The following PAK1 variants were observed in gnomAD, a reference collection of about 807,000 sequenced individuals.
PAK1 encodes the protein serine/threonine-protein kinase PAK 1.
A neutral mutation model predicts 67.4 loss-of-function variants in PAK1; 29 were observed. That is an observed-to-expected ratio of 0.43 (90% confidence interval 0.32 to 0.59). The LOEUF is 0.59. Among genes scored for constraint, PAK1 ranks in the 20% least tolerant of loss-of-function variants. The pLI is 0.07. For synonymous variants in PAK1, 223 were observed against 237.4 expected (o/e 0.94, Z 0.56); for missense variants, 337 against 670.7 (o/e 0.50, Z 5.50).
chr11:77,440,933 G>T (rs1438054342), intron 1 of PAK1, among the ~76,000 whole-genome samples: 2 of 152,112 alleles, frequency 1.3e-5, no homozygotes, highest in African/African-American at 4.8e-5. Context: ...AAAGCTAGAT[G>T]GGCTTGGGGA....
chr11:77,336,076 TA>T lies in PAK1; in HGVS notation c.1413+9del. The stretch of plus-strand genomic sequence containing the variant: ...CCCAAATAACTTGAAATAGAACTGG[TA>T]ACACTCACTCTCAGAGGGTTTTCAT... On this transcript the variant is annotated intron_variant, in intron 13 of 14. Transcript: ENST00000356341. 6.5e-7 allele frequency: 1 copy of T among 1,546,442 alleles called. No homozygotes were observed. The highest frequency in any genetic ancestry group is 8.9e-7 in the Non-Finnish European group (1 of 1,122,506).
intron 8 of PAK1, 174 bp from the exon 9 acceptor site, chr11:77,349,461 G>A: frequency 1.6e-6 from 1 of 622,428 alleles, no homozygotes; most frequent in Non-Finnish European, 2.9e-6. Flanking sequence ...AGGTAGTACA[G>A]AGAATGTAGG....
At chr11:77,525,182 CAAAAAAA>C in the PAK1 span, among the ~76,000 whole-genome samples, 2 of 107,122 alleles carry the variant, frequency 1.9e-5, no homozygotes, top group Non-Finnish European at 4.0e-5. Flanking sequence ...CCACCCCTAT[CAAAAAAA>C]AAAAAAAAAA....
chr11:77,362,765 A>C (rs1214837446), intron 5 of PAK1, among the ~76,000 whole-genome samples: 1 of 151,538 alleles, frequency 6.6e-6, no homozygotes, highest in African/African-American at 2.4e-5. Context: ...AGGATTGCTA[A>C]ATGAATATGT....
chr11:77,376,866 A>G (rs761937355), intron 4 of PAK1, among the ~76,000 whole-genome samples: 4 of 152,190 alleles, frequency 2.6e-5, no homozygotes, highest in Non-Finnish European at 5.9e-5. Flanking sequence ...CATTTCCATC[A>G]TGTATCAGCT....
intron 5 of PAK1, among the ~76,000 whole-genome samples, chr11:77,365,264 A>AG: frequency 1.7e-5 from 1 of 59,540 alleles, no homozygotes; most frequent in Admixed American, 1.5e-4. Flanking sequence ...AAAAAAAAAA[A>AG]AAAAGAAAAA....
At chr11:77,368,991 A>AT (rs1459871287) in intron 5 of PAK1, among the ~76,000 whole-genome samples, 2 of 152,218 alleles carry the variant, frequency 1.3e-5, no homozygotes, top group African/African-American at 2.4e-5. Context: ...ATGTCCAAAC[A>AT]TACCTTTATA....
chr11:77,418,117 A>G (rs1955068796), intron 1 of PAK1, among the ~76,000 whole-genome samples: 1 of 152,196 alleles, frequency 6.6e-6, no homozygotes, highest in South Asian at 2.1e-4. Context: ...AAAAAGTATC[A>G]AGCAAAAAAA....
At chr11:77,353,313 A>G (rs493256) in intron 8 of PAK1, 116,607 of 464,978 alleles carry the variant, frequency 0.25, 16,898 homozygotes, top group Non-Finnish European at 0.31. Context: ...CTGTCACTGC[A>G]GGGGTATTTT....
intron 1 of PAK1, among the ~76,000 whole-genome samples, chr11:77,397,731 T>C (rs1166163256): frequency 1.3e-5 from 2 of 152,228 alleles, no homozygotes; most frequent in African/African-American, 4.8e-5. Flanking sequence ...GTCACCGGTA[T>C]AAAACAAAAC....
intron 5 of PAK1, among the ~76,000 whole-genome samples, chr11:77,367,005 T>C (rs1430659027): frequency 6.6e-6 from 1 of 152,176 alleles, no homozygotes; most frequent in Non-Finnish European, 1.5e-5. Flanking sequence ...GAATATGATT[T>C]GGACATAACA....
At chr11:77,426,841 TAA>T (rs66931592) in intron 1 of PAK1, among the ~76,000 whole-genome samples, 1,716 of 128,160 alleles carry the variant, frequency 0.013, 12 homozygotes, top group Middle Eastern at 0.02. Flanking sequence ...GAGCAATCTT[TAA>T]AAAAAAAAAA....
chr11:77,456,497 G>T (rs1186625636), intron 1 of PAK1, among the ~76,000 whole-genome samples: 1 of 152,112 alleles, frequency 6.6e-6, no homozygotes, highest in East Asian at 1.9e-4. Context: ...AGCAGAGAAG[G>T]TCTTTGTTTT....
At position 77,378,496 on chromosome 11, in the gene PAK1, T is replaced by A. The variant is rs1949388050; in HGVS notation, c.439+745A>T. Reference sequence around the variant, plus strand: ...GTTATTAAATAACTAATAATAATATTAACAATAATGATGACAATGATAGCT... The same window carrying A: ...GTTATTAAATAACTAATAATAATATAAACAATAATGATGACAATGATAGCT... On this transcript the variant is annotated intron_variant, in intron 4 of 14. Coordinates refer to ENST00000356341, the MANE Select transcript of PAK1 (RefSeq NM_002576.5). Among the ~76,000 whole-genome samples, 5 of 152,278 alleles carry A rather than the reference T, an allele frequency of 3.3e-5. No homozygotes were observed. In the South Asian group the frequency reaches 1.0e-3, roughly 32 times the overall value.
At chr11:77,460,159 GA>G (rs71043579) in intron 1 of PAK1, among the ~76,000 whole-genome samples, 4,035 of 97,044 alleles carry the variant, frequency 0.042, 157 homozygotes, top group African/African-American at 0.14. Context: ...CTGTAGAATA[GA>G]AAAAAAAAAA....
chr11:77,342,825 A>G (rs1180402465), intron 10 of PAK1, among the ~76,000 whole-genome samples: 2 of 152,084 alleles, frequency 1.3e-5, no homozygotes, highest in Non-Finnish European at 2.9e-5. Flanking sequence ...TTAGAGTCCA[A>G]GATTTAGTCC....
chr11:77,379,332 C>T lies in PAK1; in HGVS notation c.348G>A (p.Glu116=). The T allele has an allele frequency of 6.2e-7, 1 of 1,613,972 alleles. No individual in the cohort carries two copies. Among genetic ancestry groups the T allele is most frequent in the Non-Finnish European group, 8.5e-7 (1 of 1,179,964 alleles). The change falls in exon 4 of 15, where the codon GAG becomes GAA. Residue 116 remains glutamate, a synonymous_variant. Transcript: ENST00000356341. ...GAACAGCCTGCGGGTTTTTCTTCTG[C>T]TCCGACTTAGTGATATTTGATGTCT... is the stretch of plus-strand genomic sequence containing the variant. The part of the protein sequence containing the change: ...LLQTSNITKS[E]QKKNPQAVLD...
At chr11:77,326,003 G>A (rs1939730289) in intron 14 of PAK1, among the ~76,000 whole-genome samples, 2 of 151,274 alleles carry the variant, frequency 1.3e-5, no homozygotes, top group African/African-American at 4.8e-5. Flanking sequence ...AGGGCAGTAT[G>A]CCCTGCCCTG....
the PAK1 span, among the ~76,000 whole-genome samples, chr11:77,499,685 G>A: frequency 2.0e-5 from 3 of 152,072 alleles, no homozygotes; most frequent in Admixed American, 6.5e-5. Flanking sequence ...GTCTTAATTA[G>A]TTGTTTACAT....
Sources: gnomAD v4.1 joint callset for allele counts (sites outside exome capture counted in the v4.1 genomes callset) on GRCh38, gnomAD v4.1.1 for gene constraint, MANE v1.5 for transcripts, NCBI Gene and HGNC (gene_info 2026-07-23, HGNC 2026-07-21) for gene names.